The following EPHB1 variants were observed in gnomAD, a reference collection of about 807,000 sequenced individuals.
EPHB1 encodes the protein ephrin type-B receptor 1.
A neutral mutation model predicts 94.4 loss-of-function variants in EPHB1; 30 were observed. The observed-to-expected ratio is 0.32, with a 90% confidence interval of 0.24 to 0.43. The LOEUF (loss-of-function observed/expected upper bound fraction) is 0.43, where lower values mean the gene tolerates loss of function less well. Among genes scored for constraint, EPHB1 ranks in the 20% least tolerant of loss-of-function variants. EPHB1 has a pLI of 1.00. For synonymous variants in EPHB1, 522 were observed against 489.1 expected (o/e 1.07, Z -0.89); for missense variants, 1,055 against 1,308.3 (o/e 0.81, Z 2.99).
intron 3 of EPHB1, among the ~76,000 whole-genome samples, chr3:135,020,707 T>A (rs1935960852): frequency 1.3e-5 from 2 of 152,238 alleles, no homozygotes; most frequent in African/African-American, 4.8e-5. Context: ...TTCTCCGAGG[T>A]TAGGTGTCCT....
At chr3:134,905,542 C>T (rs1254902790) in intron 1 of EPHB1, among the ~76,000 whole-genome samples, 1 of 152,220 alleles carries the variant, frequency 6.6e-6, no homozygotes, top group African/African-American at 2.4e-5. Context: ...CTGTAGGGAC[C>T]ACCCGCTGGG....
intron 3 of EPHB1, among the ~76,000 whole-genome samples, chr3:135,103,638 G>A (rs1381616741): frequency 6.6e-6 from 1 of 152,194 alleles, no homozygotes; most frequent in African/African-American, 2.4e-5. Context: ...AGGCTCTGAG[G>A]GATGATATAA....
Position 135,000,363 on chromosome 3 carries a change from G to A in EPHB1, c.805+48311G>A, listed in dbSNP as rs560979485. On this transcript the variant is annotated intron_variant, in intron 3 of 15. Transcript: ENST00000398015. Reference sequence around the variant, plus strand: ...GAAGGGTACATATAGCTCAATACAGGAAACTGACAGAAAGACCTTTAAGAG... The same window carrying A: ...GAAGGGTACATATAGCTCAATACAGAAAACTGACAGAAAGACCTTTAAGAG... Among the ~76,000 whole-genome samples, 9 of 152,250 alleles carry A rather than the reference G, an allele frequency of 5.9e-5. No homozygotes were observed. In the South Asian group the frequency reaches 1.5e-3, roughly 25 times the overall value.
At chr3:135,178,441 AC>A (rs1942055046) in intron 9 of EPHB1, among the ~76,000 whole-genome samples, 1 of 148,948 alleles carries the variant, frequency 6.7e-6, no homozygotes, top group South Asian at 2.2e-4. Flanking sequence ...AGCCTGGGCA[AC>A]AGAGCAAGAC....
intron 5 of EPHB1, among the ~76,000 whole-genome samples, chr3:135,149,469 T>A (rs1247893657): frequency 6.6e-6 from 1 of 152,230 alleles, no homozygotes; most frequent in African/African-American, 2.4e-5. Context: ...TTAGCTTTAG[T>A]TTTGCTAGAA....
intron 1 of EPHB1, among the ~76,000 whole-genome samples, chr3:134,824,935 A>G (rs73229119): frequency 0.063 from 9,520 of 152,240 alleles, 335 homozygotes; most frequent in Middle Eastern, 0.13. Flanking sequence ...TCCTGCCAAC[A>G]TCTGACTGCA....
chr3:134,833,223 C>G (rs368403584), intron 1 of EPHB1, among the ~76,000 whole-genome samples: 1 of 152,206 alleles, frequency 6.6e-6, no homozygotes, highest in African/African-American at 2.4e-5. Context: ...ACAAATCCAC[C>G]TAGACTCCTT....
At chr3:134,811,245 T>TTTTTTTTTTTTTTTTTTTTTTTTTC in intron 1 of EPHB1, among the ~76,000 whole-genome samples, 1 of 100,490 alleles carries the variant, frequency 1.0e-5, no homozygotes, top group Admixed American at 9.8e-5. Flanking sequence ...TAAGAAGGTT[T>TTTTTTTTTTTTTTTTTTTTTTTTTC]TTTTTTTTTT....
intron 3 of EPHB1, 139 bp from the exon 4 acceptor site, chr3:135,106,309 C>T (rs1939216293): frequency 1.1e-6 from 1 of 910,336 alleles, no homozygotes; most frequent in Non-Finnish European, 1.6e-6. Context: ...TGGGTTTCCT[C>T]AACCTTAGAT....
chr3:135,137,124 A>G (rs1358078961), intron 5 of EPHB1, among the ~76,000 whole-genome samples: 2 of 152,212 alleles, frequency 1.3e-5, no homozygotes, highest in Non-Finnish European at 2.9e-5. Context: ...TTGGGGGTAT[A>G]AAAGATGAAT....
At chr3:134,839,323 A>G (rs1426827641) in intron 1 of EPHB1, among the ~76,000 whole-genome samples, 1 of 152,024 alleles carries the variant, frequency 6.6e-6, no homozygotes, top group Admixed American at 6.6e-5. Context: ...GCTTATTTCC[A>G]TGTAGTTGTT....
At chr3:135,115,879 G>A (rs1389608580) in intron 4 of EPHB1, among the ~76,000 whole-genome samples, 2 of 152,302 alleles carry the variant, frequency 1.3e-5, no homozygotes, top group South Asian at 2.1e-4. Context: ...TATGAATCAT[G>A]TTTAAGAAGT....
chr3:134,977,450 A>C (rs1934232258), intron 3 of EPHB1, among the ~76,000 whole-genome samples: 1 of 152,204 alleles, frequency 6.6e-6, no homozygotes, highest in Admixed American at 6.5e-5. Flanking sequence ...TCATTTCAAG[A>C]AAAATAGTAA....
intron 3 of EPHB1, among the ~76,000 whole-genome samples, chr3:135,077,617 G>T (rs1437100348): frequency 6.6e-6 from 1 of 152,224 alleles, no homozygotes; most frequent in Non-Finnish European, 1.5e-5. Flanking sequence ...AGAGAAGGGT[G>T]GGGTAGCAGG....
intron 3 of EPHB1, among the ~76,000 whole-genome samples, chr3:134,982,795 T>A (rs1354305921): frequency 6.8e-6 from 1 of 147,770 alleles, no homozygotes; most frequent in Non-Finnish European, 1.5e-5. Flanking sequence ...GTGTGTTACT[T>A]TCCAAAGAGA....
chr3:134,928,377 A>G (rs1357053161), intron 2 of EPHB1, among the ~76,000 whole-genome samples: 2 of 152,250 alleles, frequency 1.3e-5, no homozygotes, highest in African/African-American at 4.8e-5. Context: ...TCTCTGTGTT[A>G]GAATTGGATT....
At chr3:135,008,813 C>G (rs550237190) in intron 3 of EPHB1, among the ~76,000 whole-genome samples, 1 of 152,208 alleles carries the variant, frequency 6.6e-6, no homozygotes, top group Admixed American at 6.5e-5. Context: ...CCTTTATTTG[C>G]TCCATCTTTG....
At chr3:134,949,281 G>C (rs894720664) in intron 2 of EPHB1, among the ~76,000 whole-genome samples, 1 of 152,142 alleles carries the variant, frequency 6.6e-6, no homozygotes, top group Admixed American at 6.5e-5. Flanking sequence ...GGGAGTCTGG[G>C]GTCCAGGAGG....
intron 3 of EPHB1, among the ~76,000 whole-genome samples, chr3:134,998,484 T>C (rs147164545): frequency 6.0e-4 from 92 of 152,316 alleles, no homozygotes; most frequent in Middle Eastern, 3.4e-3. Flanking sequence ...AGAGTTAGGA[T>C]GAGCATGTAC....
Sources: gnomAD v4.1 joint callset for allele counts (sites outside exome capture counted in the v4.1 genomes callset) on GRCh38, gnomAD v4.1.1 for gene constraint, MANE v1.5 for transcripts, NCBI Gene and HGNC (gene_info 2026-07-23, HGNC 2026-07-21) for gene names.